The following ADAM20 variants were observed in gnomAD, a reference collection of about 807,000 sequenced individuals.
The protein encoded by ADAM20 is ADAM metallopeptidase domain 20.
For synonymous variants in ADAM20, 305 were observed against 310.2 expected (o/e 0.98, Z 0.18); for missense variants, 871 against 883.2 (o/e 0.99, Z 0.18).
chr14:70,567,177 A>C, the ADAM20 span, among the ~76,000 whole-genome samples: 1 of 152,080 alleles, frequency 6.6e-6, no homozygotes, highest in East Asian at 1.9e-4. Context: ...CCAAACTGAG[A>C]TGACAGGTGC....
the ADAM20 span, among the ~76,000 whole-genome samples, chr14:70,544,044 C>G: frequency 6.6e-6 from 1 of 152,094 alleles, no homozygotes; most frequent in African/African-American, 2.4e-5. Context: ...ACCAGAGACA[C>G]GCCAGCCCCG....
the ADAM20 span, among the ~76,000 whole-genome samples, chr14:70,576,237 G>A: frequency 3.3e-5 from 5 of 152,050 alleles, no homozygotes; most frequent in South Asian, 2.1e-4. Flanking sequence ...AACACTGATC[G>A]GAAAAAGAGA....
chr14:70,522,896 A>G lies in ADAM20; in HGVS notation c.1862T>C (p.Ile621Thr). The G allele has an allele frequency of 3.1e-6, 5 of 1,614,046 alleles. No individual in the cohort carries two copies. Among genetic ancestry groups the G allele is most frequent in the Non-Finnish European group, 4.2e-6 (5 of 1,179,940 alleles). ...GTVCGPEKICIRKKCASMVHL... is the reference protein window; with the variant it reads ...GTVCGPEKICTRKKCASMVHL... ...AACCATACTGGCACACTTCTTACGG[A>G]TGCAGATCTTTTCTGGACCACATAC... The change falls in exon 2 of 2, where the codon ATC becomes ACC. Residue 621 changes from isoleucine (I) to threonine (T), a missense_variant. Physicochemically the swap from Ile to Thr is moderately conservative, Grantham distance 89. Transcript: ENST00000256389.
the ADAM20 span, among the ~76,000 whole-genome samples, chr14:70,571,515 T>TAA: frequency 6.6e-6 from 1 of 152,246 alleles, no homozygotes; most frequent in Non-Finnish European, 1.5e-5. Flanking sequence ...GTGAGTCAAT[T>TAA]AAGCCTCTTT....
At chr14:70,540,254 A>T in the ADAM20 span, among the ~76,000 whole-genome samples, 24 of 152,340 alleles carry the variant, frequency 1.6e-4, no homozygotes, top group South Asian at 6.2e-4. Flanking sequence ...AAAAAATTAT[A>T]ACTATTGGAT....
chr14:70,568,597 C>T, the ADAM20 span, among the ~76,000 whole-genome samples: 2 of 151,758 alleles, frequency 1.3e-5, no homozygotes, highest in East Asian at 3.9e-4. Context: ...CAGTAAGATC[C>T]AAGAGAAAGT....
chr14:70,562,705 C>T, the ADAM20 span, among the ~76,000 whole-genome samples: 1 of 152,010 alleles, frequency 6.6e-6, no homozygotes, highest in Non-Finnish European at 1.5e-5. Context: ...TTCTCTCTCT[C>T]CTGCCACCAA....
Position 70,524,086 on chromosome 14 carries a change from T to C in ADAM20, c.672A>G (p.Gln224=). The change falls in exon 2 of 2, where the codon CAA becomes CAG. Residue 224 remains glutamine (Q), a synonymous_variant. Coordinates refer to ENST00000256389, the MANE Select transcript of ADAM20 (RefSeq NM_003814.5). ...VVDNIRYLFS[Q]SNATTVQHEV... The stretch of plus-strand genomic sequence containing the variant: ...CATGCTGCACTGTTGTTGCATTACT[T>C]TGAGAGAAAAGATATCTAATATTAT... 1 of 1,613,946 alleles carries C rather than the reference T, an allele frequency of 6.2e-7. No individual in the cohort carries two copies. Among genetic ancestry groups the C allele is most frequent in the Admixed American group, 1.7e-5 (1 of 59,968 alleles).
the ADAM20 span, among the ~76,000 whole-genome samples, chr14:70,567,911 A>G: frequency 1.3e-5 from 2 of 151,770 alleles, no homozygotes; most frequent in African/African-American, 4.8e-5. Context: ...CACCTCCCCA[A>G]CCTTTCCTCC....
In ADAM20 at chr14:70,522,775, T is replaced by C. The variant is rs753840736; in HGVS notation, c.1983A>G (p.Pro661=). 7 of 1,613,960 alleles carry C rather than the reference T, an allele frequency of 4.3e-6. No individual in the cohort carries two copies. The highest frequency in any genetic ancestry group is 3.3e-5 in the Admixed American group (2 of 59,990). Residue 661 remains proline, a synonymous_variant, in exon 2 of 2, where the codon CCA becomes CCG. Coordinates refer to ENST00000256389, the MANE Select transcript of ADAM20 (RefSeq NM_003814.5). ...CTCCATAGCCTTTGTCCTTGCAGTA[T>C]GGGGGTGCCCATTCATGGTTGCAGT... ...HCHCNHEWAP[P]YCKDKGYGGS... is the part of the protein sequence containing the mutation.
chr14:70,554,523 T>G, the ADAM20 span, among the ~76,000 whole-genome samples: 1 of 151,968 alleles, frequency 6.6e-6, no homozygotes, highest in African/African-American at 2.4e-5. Context: ...GAAATTGTGA[T>G]AGACACACAC....
chr14:70,539,803 T>C (rs546228159), upstream of ADAM20, among the ~76,000 whole-genome samples: 7 of 152,312 alleles, frequency 4.6e-5, no homozygotes, highest in African/African-American at 1.4e-4. Context: ...TCTCACCTCA[T>C]AATCAAATGA....
chr14:70,540,425 C>A, the ADAM20 span, among the ~76,000 whole-genome samples: 1 of 152,122 alleles, frequency 6.6e-6, no homozygotes, highest in African/African-American at 2.4e-5. Context: ...ATGACTTTAA[C>A]CTTTAAAACT....
At chr14:70,532,052 AAAG>A (rs1883722915) in intron 1 of ADAM20, among the ~76,000 whole-genome samples, 3 of 152,168 alleles carry the variant, frequency 2.0e-5, no homozygotes, top group Admixed American at 2.0e-4. Context: ...CAATCTTGAG[AAAG>A]AAGAATAAAG....
the ADAM20 span, among the ~76,000 whole-genome samples, chr14:70,578,069 T>C: frequency 6.6e-6 from 1 of 152,096 alleles, no homozygotes. Flanking sequence ...ATGGACACTA[T>C]CAACAGAATG....
At chr14:70,562,076 G>A in the ADAM20 span, among the ~76,000 whole-genome samples, 1 of 152,248 alleles carries the variant, frequency 6.6e-6, no homozygotes, top group Admixed American at 6.5e-5. Flanking sequence ...AGAAGACAGA[G>A]GCGCCCAATG....
the ADAM20 span, among the ~76,000 whole-genome samples, chr14:70,572,715 T>C: frequency 6.6e-6 from 1 of 151,992 alleles, no homozygotes; most frequent in Non-Finnish European, 1.5e-5. Context: ...CAAAGACTAA[T>C]ATCTATGATC....
At chr14:70,570,337 T>G in the ADAM20 span, among the ~76,000 whole-genome samples, 1 of 151,116 alleles carries the variant, frequency 6.6e-6, no homozygotes, top group Non-Finnish European at 1.5e-5. Flanking sequence ...ATCAACAAAA[T>G]GAAAAGCTGG....
the ADAM20 span, among the ~76,000 whole-genome samples, chr14:70,558,487 A>ATGTG: frequency 1.4e-4 from 21 of 150,098 alleles, 1 homozygote; most frequent in South Asian, 4.2e-4. Flanking sequence ...ACATGTATGA[A>ATGTG]TGTGTGTGTG....
Sources: allele counts gnomAD v4.1 joint callset (sites outside exome capture counted in the v4.1 genomes callset), GRCh38; gene constraint gnomAD v4.1.1; transcripts MANE v1.5; gene names NCBI Gene and HGNC (gene_info 2026-07-23, HGNC 2026-07-21).